The following PCDH15 variants were observed in gnomAD, a reference collection of about 807,000 sequenced individuals.
The protein encoded by PCDH15 is protocadherin related 15, also known as protocadherin-15.
In PCDH15, 129 loss-of-function variants were observed where a neutral mutation model predicts 178.5. The observed-to-expected ratio is 0.72, with a 90% confidence interval of 0.63 to 0.84. PCDH15 has a LOEUF of 0.84. Ranked by LOEUF, PCDH15 falls within the 40% of genes least tolerant of loss-of-function variation. PCDH15 has a pLI of 0.00. For synonymous variants in PCDH15, 800 were observed against 732.0 expected, an observed-to-expected ratio of 1.09 and a Z score of -1.50; for missense variants, 2,230 against 2,099.9, an observed-to-expected ratio of 1.06 and a Z score of -1.21.
At chr10:54,224,650 T>C (rs1254924655) in intron 9 of PCDH15, among the ~76,000 whole-genome samples, 1 of 152,160 alleles carries the variant, frequency 6.6e-6, no homozygotes, top group African/African-American at 2.4e-5. Context: ...TTAACCATTA[T>C]TTTCATCTAT....
chr10:55,489,161 A>G (rs1463565965), intron 2 of PCDH15, among the ~76,000 whole-genome samples: 1 of 151,564 alleles, frequency 6.6e-6, no homozygotes, highest in African/African-American at 2.4e-5. Flanking sequence ...AAAGAAAAAT[A>G]ATTACCTACA....
At chr10:55,472,360 T>C (rs565226171) in intron 2 of PCDH15, among the ~76,000 whole-genome samples, 111 of 152,292 alleles carry the variant, frequency 7.3e-4, no homozygotes, top group African/African-American at 2.5e-3. Context: ...ATTATGATTA[T>C]GTTTCTTCAC....
intron 18 of PCDH15, among the ~76,000 whole-genome samples, chr10:54,054,453 G>T (rs186921798): frequency 6.6e-6 from 1 of 152,174 alleles, no homozygotes; most frequent in East Asian, 1.9e-4. Flanking sequence ...GAGCAGTAAA[G>T]TGACTTAGAT....
At position 53,954,425 on chromosome 10, in the gene PCDH15, T is replaced by G. The variant is rs939003357; in HGVS notation, c.3122+5307A>C. On this transcript the variant is annotated intron_variant, in intron 23 of 37. Transcript: ENST00000644397. ...AATTCTAAAAAAAGAACAATGGATT[T>G]TGTTTCTCTGTCTAGCTAGAACTGG... Among the ~76,000 whole-genome samples, 6 of 152,376 alleles carry G rather than the reference T, an allele frequency of 3.9e-5. No homozygotes were observed. The East Asian group carries it at 5.8e-4, about 15-fold the overall frequency.
chr10:54,922,976 T>C (rs2131845691), intron 2 of PCDH15, among the ~76,000 whole-genome samples: 2 of 152,280 alleles, frequency 1.3e-5, no homozygotes, highest in South Asian at 4.1e-4. Flanking sequence ...TGCACTGCCC[T>C]AGTAGAGGTT....
intron 3 of PCDH15, among the ~76,000 whole-genome samples, chr10:54,416,329 C>T (rs146003731): frequency 1.3e-3 from 195 of 152,038 alleles, no homozygotes; most frequent in African/African-American, 4.0e-3. Flanking sequence ...CCTGTGTCCA[C>T]GTGTTCTCAT....
chr10:55,135,303 C>G (rs927692049), intron 2 of PCDH15, among the ~76,000 whole-genome samples: 5 of 151,960 alleles, frequency 3.3e-5, no homozygotes, highest in African/African-American at 1.2e-4. Flanking sequence ...CAAGCCCCAC[C>G]ACTCCATCTT....
intron 3 of PCDH15, among the ~76,000 whole-genome samples, chr10:54,492,288 A>C (rs2079670311): frequency 1.3e-5 from 2 of 152,160 alleles, no homozygotes; most frequent in Admixed American, 1.3e-4. Flanking sequence ...AGATGTGCTG[A>C]GACATTCAAG....
chr10:54,801,313 C>G (rs1591706807), upstream of PCDH15: 1 of 152,228 alleles, frequency 6.6e-6, no homozygotes, highest in Admixed American at 6.5e-5. Context: ...ACTGAAGCAA[C>G]AGCAATTAGC....
chr10:55,311,852 A>G (rs1438950296), intron 1 of PCDH15, among the ~76,000 whole-genome samples: 1 of 152,218 alleles, frequency 6.6e-6, no homozygotes, highest in African/African-American at 2.4e-5. Context: ...CCAACAGCCA[A>G]AAAAGGTTGT....
intron 3 of PCDH15, among the ~76,000 whole-genome samples, chr10:54,517,576 C>T (rs1312706193): frequency 2.0e-5 from 3 of 152,006 alleles, no homozygotes; most frequent in Non-Finnish European, 4.4e-5. Context: ...CCTGAGTGAC[C>T]TACAAAGAGA....
At chr10:54,718,591 G>T (rs933072247) in intron 1 of PCDH15, among the ~76,000 whole-genome samples, 1 of 150,490 alleles carries the variant, frequency 6.6e-6, no homozygotes, top group Non-Finnish European at 1.5e-5. Flanking sequence ...AAAATAAGGA[G>T]AGATAGCTTA....
intron 3 of PCDH15, among the ~76,000 whole-genome samples, chr10:54,465,689 A>G (rs1243196084): frequency 6.6e-6 from 1 of 152,020 alleles, no homozygotes. Context: ...TGTGAATAGT[A>G]CTGTAATAAA....
At chr10:55,110,645 GA>G (rs915714334) in intron 2 of PCDH15, among the ~76,000 whole-genome samples, 120 of 139,816 alleles carry the variant, frequency 8.6e-4, no homozygotes, top group African/African-American at 1.9e-3. Flanking sequence ...AAATAACAAT[GA>G]AAAAAAAAAA....
At chr10:55,007,643 C>T (rs1403914335) in intron 2 of PCDH15, among the ~76,000 whole-genome samples, 1 of 152,048 alleles carries the variant, frequency 6.6e-6, no homozygotes, top group Non-Finnish European at 1.5e-5. Context: ...AAAACTCCTT[C>T]TTAGTTTGAA....
intron 2 of PCDH15, among the ~76,000 whole-genome samples, chr10:54,988,039 A>G (rs988441484): frequency 2.0e-5 from 3 of 152,084 alleles, no homozygotes; most frequent in African/African-American, 7.2e-5. Context: ...TAATTTTTGT[A>G]TAAGGTATAA....
intron 32 of PCDH15, among the ~76,000 whole-genome samples, chr10:53,820,887 A>T (rs751980430): frequency 3.3e-5 from 5 of 152,040 alleles, no homozygotes; most frequent in Non-Finnish European, 7.4e-5. Flanking sequence ...AAACCTAGGT[A>T]AAAGAGTGAT....
At chr10:55,405,385 T>C (rs1537598) in intron 2 of PCDH15, among the ~76,000 whole-genome samples, 141,960 of 148,800 alleles carry the variant, frequency 0.95, 67,785 homozygotes, top group East Asian at 1. Context: ...ATGAAAGACT[T>C]CTTTGGCTTT....
intron 17 of PCDH15, among the ~76,000 whole-genome samples, chr10:54,073,142 T>A (rs1292877117): frequency 6.6e-6 from 1 of 151,922 alleles, no homozygotes; most frequent in African/African-American, 2.4e-5. Context: ...TGTGTATGTA[T>A]GTATACACAT....
Sources: gnomAD v4.1 joint callset for allele counts (sites outside exome capture counted in the v4.1 genomes callset) on GRCh38, gnomAD v4.1.1 for gene constraint, MANE v1.5 for transcripts, NCBI Gene and HGNC (gene_info 2026-07-23, HGNC 2026-07-21) for gene names.